The following FAM124A variants were observed in gnomAD, a reference collection of about 807,000 sequenced individuals.
The protein encoded by FAM124A is protein FAM124A.
A neutral mutation model predicts 24.5 loss-of-function variants in FAM124A; 23 were observed. The observed-to-expected ratio is 0.94, with a 90% CI of 0.68 to 1.33. FAM124A has a LOEUF of 1.33. Among genes scored for constraint, FAM124A ranks in the 40% most tolerant of loss-of-function variants. The pLI is 0.00. For synonymous variants in FAM124A, 287 were observed against 314.7 expected (o/e 0.91, Z 0.93); for missense variants, 623 against 722.8 (o/e 0.86, Z 1.58).
intron 2 of FAM124A, among the ~76,000 whole-genome samples, chr13:51,239,343 AT>A (rs949992497): frequency 2.0e-5 from 3 of 152,108 alleles, no homozygotes; most frequent in Admixed American, 6.5e-5. Flanking sequence ...CCTTTGTAGG[AT>A]TTTTTTCTGA....
intron 3 of FAM124A, among the ~76,000 whole-genome samples, chr13:51,265,047 A>G (rs1198707600): frequency 6.6e-6 from 1 of 152,146 alleles, no homozygotes; most frequent in Admixed American, 6.5e-5. Flanking sequence ...TATCTGTAAA[A>G]TGGGGGTAAT....
At chr13:51,271,573 C>G (rs1057324526) in intron 3 of FAM124A, among the ~76,000 whole-genome samples, 4 of 152,114 alleles carry the variant, frequency 2.6e-5, no homozygotes, top group Non-Finnish European at 5.9e-5. Flanking sequence ...GGGACCCACC[C>G]CGGAGATTCT....
chr13:51,244,515 AG>A (rs1343727358), intron 2 of FAM124A, among the ~76,000 whole-genome samples: 3 of 152,208 alleles, frequency 2.0e-5, no homozygotes, highest in Admixed American at 6.5e-5. Flanking sequence ...AATTCTAGAA[AG>A]GGGTACCTGA....
chr13:51,261,565 T>TGCATAGTGAACATAGATCTG (rs6145054), intron 3 of FAM124A, among the ~76,000 whole-genome samples: 1 of 152,124 alleles, frequency 6.6e-6, no homozygotes, highest in African/African-American at 2.4e-5. Flanking sequence ...GAACTATGAT[T>TGCATAGTGAACATAGATCTG]ACAGGCAGAT....
chr13:51,248,317 C>T (rs1050060888), intron 2 of FAM124A, among the ~76,000 whole-genome samples: 1 of 152,194 alleles, frequency 6.6e-6, no homozygotes, highest in Non-Finnish European at 1.5e-5. Context: ...TTTTCCTACA[C>T]CCCACCCACC....
At chr13:51,278,149 G>A (rs183620087) in intron 3 of FAM124A, among the ~76,000 whole-genome samples, 3 of 152,326 alleles carry the variant, frequency 2.0e-5, no homozygotes, top group Admixed American at 1.3e-4. Context: ...CGAGTACATC[G>A]CTGCTGTCAC....
intron 3 of FAM124A, among the ~76,000 whole-genome samples, chr13:51,264,133 T>C (rs1954762581): frequency 6.6e-6 from 1 of 152,236 alleles, no homozygotes; most frequent in South Asian, 2.1e-4. Flanking sequence ...TCTAGGCCAG[T>C]GGTGCTGTCT....
chr13:51,237,817 G>T (rs908229752), intron 2 of FAM124A, among the ~76,000 whole-genome samples: 2 of 152,158 alleles, frequency 1.3e-5, no homozygotes, highest in African/African-American at 2.4e-5. Context: ...GTCCCTGTAG[G>T]TGTATGGTAT....
At chr13:51,257,063 T>C (rs1954682496) in intron 3 of FAM124A, among the ~76,000 whole-genome samples, 3 of 152,226 alleles carry the variant, frequency 2.0e-5, no homozygotes, top group African/African-American at 4.8e-5. Context: ...AGGAATATGA[T>C]AGATTTTTCA....
In FAM124A at chr13:51,227,622, A is replaced by T. The variant is rs2137642884; in HGVS notation, c.69-3726A>T. On this transcript the variant is annotated intron_variant, in intron 1 of 3. Transcript: ENST00000322475. ...GAAACAGAATCCCTTAAATAGAAGG[A>T]CAGCCAGTTCCTTGTAAACCCAAAT... 1.3e-5 allele frequency among the ~76,000 whole-genome samples: 2 copies of T among 152,380 alleles called. 1 individual carries two copies. The highest frequency in any genetic ancestry group is 3.9e-4 in the East Asian group (2 of 5,192).
chr13:51,245,824 A>G lies in FAM124A; in HGVS notation c.101-5644A>G, dbSNP rs570973218. ...CTTGTAGGACAATGTCTGGCAAATAATAAGAGCATAATAAATGGTTGCTAT... is the reference window on the plus strand; with the variant it reads ...CTTGTAGGACAATGTCTGGCAAATAGTAAGAGCATAATAAATGGTTGCTAT... On this transcript the variant is annotated intron_variant, in intron 2 of 3. Transcript: ENST00000322475. Among the ~76,000 whole-genome samples the G allele has an allele frequency of 3.9e-5, 6 of 152,366 alleles. No homozygotes were observed. In the East Asian group the frequency reaches 9.6e-4, roughly 24 times the overall value.
At chr13:51,246,157 G>T (rs962591891) in intron 2 of FAM124A, among the ~76,000 whole-genome samples, 5 of 152,212 alleles carry the variant, frequency 3.3e-5, no homozygotes, top group Non-Finnish European at 5.9e-5. Flanking sequence ...CCTTGGGGCA[G>T]TCTGTGCCAC....
At chr13:51,246,404 T>C (rs6561626) in intron 2 of FAM124A, among the ~76,000 whole-genome samples, 1,733 of 57,354 alleles carry the variant, frequency 0.03, 151 homozygotes, top group African/African-American at 0.081. Context: ...TCTCGTGGGG[T>C]GGGGGGGGGT....
At chr13:51,227,360 T>A (rs1954326550) in intron 1 of FAM124A, 1 of 152,254 alleles carries the variant, frequency 6.6e-6, no homozygotes, top group Non-Finnish European at 1.5e-5. Context: ...CTGTCTGATC[T>A]GTAATTAATT....
At chr13:51,224,849 C>T (rs1954300906) in intron 1 of FAM124A, among the ~76,000 whole-genome samples, 1 of 152,138 alleles carries the variant, frequency 6.6e-6, no homozygotes, top group Non-Finnish European at 1.5e-5. Context: ...TTCTTCCCTC[C>T]CTGGCCTTGT....
chr13:51,261,517 T>G (rs938412166), intron 3 of FAM124A, among the ~76,000 whole-genome samples: 1 of 152,216 alleles, frequency 6.6e-6, no homozygotes, highest in Non-Finnish European at 1.5e-5. Context: ...TTTTCAGCCC[T>G]GAGAGGAAGA....
chr13:51,277,212 G>C (rs192960297), intron 3 of FAM124A, among the ~76,000 whole-genome samples: 3 of 151,680 alleles, frequency 2.0e-5, no homozygotes, highest in Non-Finnish European at 4.4e-5. Context: ...TATCTTAAAT[G>C]AAATAACTCA....
intron 3 of FAM124A, among the ~76,000 whole-genome samples, chr13:51,275,464 A>G (rs1278684969): frequency 1.3e-5 from 2 of 152,266 alleles, no homozygotes; most frequent in East Asian, 3.8e-4. Context: ...ACTTCTGTTC[A>G]TCAAAAGATA....
intron 2 of FAM124A, among the ~76,000 whole-genome samples, chr13:51,242,711 T>C (rs1420404995): frequency 6.6e-6 from 1 of 151,984 alleles, no homozygotes; most frequent in Non-Finnish European, 1.5e-5. Context: ...CATTTCCAAG[T>C]GGAAAAAAAA....
Sources: allele counts gnomAD v4.1 joint callset (sites outside exome capture counted in the v4.1 genomes callset), GRCh38; gene constraint gnomAD v4.1.1; transcripts MANE v1.5; gene names NCBI Gene and HGNC (gene_info 2026-07-23, HGNC 2026-07-21).